ALOX5AP: variants seen among roughly 807,000 people sequenced by gnomAD.
The protein encoded by ALOX5AP is arachidonate 5-lipoxygenase activating protein.
ALOX5AP carries 9 observed loss-of-function variants against 18.5 expected under a neutral mutation model. The observed-to-expected ratio is 0.49, with a 90% CI of 0.29 to 0.85. The LOEUF is 0.85. ALOX5AP is among the 40% of genes least tolerant of loss of function. The probability of loss-of-function intolerance (pLI) is 0.08; values close to 1 mark genes in which losing one functional copy is unlikely to be tolerated. For synonymous variants in ALOX5AP, 81 were observed against 78.6 expected (o/e 1.03, Z -0.16); for missense variants, 172 against 202.5 (o/e 0.85, Z 0.91).
chr13:30,713,791 G>A, exon 1 of ALOX5AP: 1 of 1,535,728 alleles, frequency 6.5e-7, no homozygotes. Context: ...CTGAATTTGG[G>A]AAATCCTTTG....
At chr13:30,731,728 G>T (rs780116080), upstream of ALOX5AP, among the ~76,000 whole-genome samples, 39 of 152,320 alleles carry the variant, frequency 2.6e-4, no homozygotes, top group Middle Eastern at 6.8e-3. Flanking sequence ...ATGGGAGGGG[G>T]GTAATTTGTC....
At chr13:30,763,734 C>G (rs1158676161) in intron 4 of ALOX5AP, among the ~76,000 whole-genome samples, 4 of 152,158 alleles carry the variant, frequency 2.6e-5, no homozygotes, top group African/African-American at 7.2e-5. Flanking sequence ...GGTCTAGGCT[C>G]TCTTCACTTG....
rs990742069 is a variant in ALOX5AP at position 30,714,765 on chromosome 13, T to C, written c.116+924T>C. On this transcript the variant is annotated intron_variant, in intron 1 of 5. Transcript: ENST00000617770. ...AGAAGGCTACCAGTCTCTCCTAAGC[T>C]TACGCCGTCACACCCTGGGCACTTG... Among the ~76,000 whole-genome samples, 66 of 152,174 alleles carry C rather than the reference T, an allele frequency of 4.3e-4. 1 individual carries two copies. The highest frequency in any genetic ancestry group is 1.5e-4 in the Non-Finnish European group (10 of 68,022).
At chr13:30,714,783 G>T (rs1202531857) in intron 1 of ALOX5AP, among the ~76,000 whole-genome samples, 1 of 152,170 alleles carries the variant, frequency 6.6e-6, no homozygotes, top group Non-Finnish European at 1.5e-5. Context: ...TCACACCCTG[G>T]GCACTTGTTG....
At position 30,713,729 on chromosome 13, in the gene ALOX5AP, C is replaced by T. The variant is rs964153380; in HGVS notation, c.4C>T (p.Leu2Phe). The stretch of plus-strand genomic sequence containing the variant: ...CCAGAAGTCAACAGAAACAAAAATG[C>T]TCACATTTAATCACGATGCTCCCTG... The change falls in exon 1 of 6, where the codon CTC becomes TTC. Residue 2 changes from leucine to phenylalanine, a missense_variant. Physicochemically the swap from Leu to Phe is conservative, Grantham distance 22. Transcript: ENST00000617770. 21 of 1,527,418 alleles carry T rather than the reference C, an allele frequency of 1.4e-5. No individual in the cohort carries two copies. In the African/African-American group the frequency reaches 1.8e-4, roughly 13 times the overall value. 94.6% of individuals were successfully genotyped at this position (1,527,418 alleles called of 1,614,324 possible).
At chr13:30,745,946 T>C (rs745502336) in intron 2 of ALOX5AP, among the ~76,000 whole-genome samples, 1 of 152,198 alleles carries the variant, frequency 6.6e-6, no homozygotes, top group African/African-American at 2.4e-5. Context: ...CTCAACCAAT[T>C]TGGAGAAGTT....
intron 1 of ALOX5AP, among the ~76,000 whole-genome samples, chr13:30,741,251 G>A (rs1036408881): frequency 1.3e-5 from 2 of 148,874 alleles, no homozygotes; most frequent in Non-Finnish European, 3.0e-5. Context: ...GCCTACAGGT[G>A]CCTGCCACCA....
At chr13:30,760,282 G>A (rs1368195196) in intron 4 of ALOX5AP, among the ~76,000 whole-genome samples, 4 of 150,412 alleles carry the variant, frequency 2.7e-5, no homozygotes, top group Non-Finnish European at 4.4e-5. Context: ...GGTGACTGGC[G>A]GGGGGCCACA....
Position 30,744,207 on chromosome 13 carries a change from G to A in ALOX5AP, c.170+48G>A, listed in dbSNP as rs201018097. 2.2e-3 allele frequency: 3,424 copies of A among 1,555,516 alleles called. 6 individuals carry two copies. The highest frequency in any genetic ancestry group is 2.7e-3 in the Non-Finnish European group (3,079 of 1,129,300). On this transcript the variant is annotated intron_variant, in intron 2 of 4. Transcript: ENST00000380490. ...CTAATAAGTGGGGGCATGGGCAGGG[G>A]GGCCTCCTTCTAGGAGTGATGACCA...
intron 1 of ALOX5AP, among the ~76,000 whole-genome samples, chr13:30,719,395 G>C (rs11841105): frequency 0.13 from 20,247 of 152,204 alleles, 1,376 homozygotes; most frequent in South Asian, 0.21. Context: ...TGAGGACCGG[G>C]ATAATCATAC....
At chr13:30,758,000 TCTC>T (rs1419162450) in intron 4 of ALOX5AP, among the ~76,000 whole-genome samples, 2 of 151,990 alleles carry the variant, frequency 1.3e-5, no homozygotes, top group African/African-American at 4.8e-5. Flanking sequence ...TAGACCCCCT[TCTC>T]CTCCCCTCTG....
intron 1 of ALOX5AP, among the ~76,000 whole-genome samples, chr13:30,715,388 A>G (rs1951542327): frequency 6.6e-6 from 1 of 152,056 alleles, no homozygotes; most frequent in Non-Finnish European, 1.5e-5. Flanking sequence ...TGGCTTTGGG[A>G]GTATAGTTCT....
upstream of ALOX5AP, among the ~76,000 whole-genome samples, chr13:30,731,012 G>A (rs1186057478): frequency 6.6e-6 from 1 of 152,236 alleles, no homozygotes; most frequent in African/African-American, 2.4e-5. Flanking sequence ...GGAGAGCGCT[G>A]GGAGCAGGGG....
At chr13:30,748,165 C>T (rs929566388) in intron 2 of ALOX5AP, among the ~76,000 whole-genome samples, 11 of 152,076 alleles carry the variant, frequency 7.2e-5, no homozygotes, top group Non-Finnish European at 1.3e-4. Flanking sequence ...GTGATCTGCC[C>T]GCCTCGGCCT....
chr13:30,716,922 G>C (rs778289249), intron 1 of ALOX5AP, among the ~76,000 whole-genome samples: 1 of 152,246 alleles, frequency 6.6e-6, no homozygotes, highest in Non-Finnish European at 1.5e-5. Context: ...GTCCTCTCCC[G>C]TGGAGTCACG....
chr13:30,747,617 G>C (rs1441937236), intron 2 of ALOX5AP, among the ~76,000 whole-genome samples: 2 of 152,192 alleles, frequency 1.3e-5, no homozygotes, highest in Non-Finnish European at 2.9e-5. Context: ...GTAAGCACAG[G>C]TTGCAGAGAG....
At chr13:30,721,474 C>T (rs1431864400) in intron 1 of ALOX5AP, among the ~76,000 whole-genome samples, 1 of 152,080 alleles carries the variant, frequency 6.6e-6, no homozygotes, top group East Asian at 1.9e-4. Context: ...CTCTTCCTTA[C>T]CCCCAACCCC....
intron 1 of ALOX5AP, among the ~76,000 whole-genome samples, chr13:30,730,533 T>G (rs1019481256): frequency 2.6e-5 from 4 of 152,224 alleles, no homozygotes; most frequent in Non-Finnish European, 5.9e-5. Context: ...CTCTATGCCC[T>G]GCCTGGCACA....
intron 2 of ALOX5AP, among the ~76,000 whole-genome samples, chr13:30,750,012 G>C (rs145681944): frequency 1.7e-3 from 265 of 152,208 alleles, no homozygotes; most frequent in African/African-American, 6.2e-3. Flanking sequence ...CATGAAACCC[G>C]TGGTTCTCAA....
Sources: gnomAD v4.1 joint callset for allele counts (sites outside exome capture counted in the v4.1 genomes callset) on GRCh38, gnomAD v4.1.1 for gene constraint, MANE v1.5 for transcripts, NCBI Gene and HGNC (gene_info 2026-07-23, HGNC 2026-07-21) for gene names.